ORC6: variants seen among roughly 807,000 people sequenced by gnomAD.
ORC6 encodes the protein origin recognition complex subunit 6.
Under a neutral mutation model 30.0 loss-of-function variants are expected in ORC6, and 31 were observed. The ratio of observed to expected loss-of-function variants is 1.03; its 90% CI spans 0.78 to 1.40. The LOEUF (loss-of-function observed/expected upper bound fraction) is 1.40, where lower values mean the gene tolerates loss of function less well. Ranked by LOEUF, ORC6 falls within the 40% of genes most tolerant of loss-of-function variation. ORC6 has a pLI of 0.00. For missense variants in ORC6, 340 were observed against 304.3 expected (o/e 1.12, Z -0.87); for synonymous variants, 136 against 111.2 (o/e 1.22, Z -1.40).
At chr16:46,692,634 C>A in intron 3 of ORC6, 89 bp downstream of exon 3, 1 of 1,165,998 alleles carries the variant, frequency 8.6e-7, no homozygotes, top group Non-Finnish European at 1.3e-6. Context: ...CTTTGGGAGG[C>A]CAAGTTGGGT....
At chr16:46,693,806 C>CTTTTTT (rs1194005655) in intron 4 of ORC6, 4 of 46,062 alleles carry the variant, frequency 8.7e-5, no homozygotes, top group Admixed American at 2.0e-4. Flanking sequence ...AACACTGTCT[C>CTTTTTT]TTTTTTTTTT....
rs773829594 is a variant in ORC6, at chr16:46,695,660, G to C, written c.548G>C (p.Gly183Ala). 6.2e-7 allele frequency: 1 copy of C among 1,602,700 alleles called. No individual in the cohort carries two copies. The highest frequency in any genetic ancestry group is 1.7e-5 in the Admixed American group (1 of 60,004). ...CTGTGTAAACAACTAGAGAAGATTG[G>C]ACAGCAGGTCGACAGTAAGTATTCT... ...DRLCKQLEKI[G>A]QQVDREPGDV... is the part of the protein sequence containing the mutation. Residue 183 changes from glycine (G) to alanine (A), a missense_variant, in exon 5 of 7, where the codon GGA (glycine) becomes GCA (alanine). Physicochemically the swap from Gly to Ala is moderately conservative, Grantham distance 60 (BLOSUM62 0). Coordinates refer to ENST00000219097, the MANE Select transcript of ORC6 (RefSeq NM_014321.4).
intron 3 of ORC6, 112 bp from the exon 4 acceptor site, chr16:46,692,981 A>T: frequency 1.3e-6 from 1 of 768,572 alleles, no homozygotes; most frequent in Non-Finnish European, 2.3e-6. Flanking sequence ...GACTCGTGTT[A>T]AGTGACAGCA....
At position 46,693,133 on chromosome 16, in the gene ORC6, G is replaced by C; in HGVS notation, c.400G>C (p.Asp134His). Residue 134 changes from aspartate (D) to histidine (H), a missense_variant, in exon 4 of 7, where the codon GAC (aspartate) becomes CAC (histidine). Asp to His is a moderately conservative substitution (Grantham distance 81, BLOSUM62 -1). Transcript: ENST00000219097. The stretch of plus-strand genomic sequence containing the variant: ...TCCCCAGACACAGCAAGTGGATCTT[G>C]ACTTATCCAGGCCACTTTTCACTTC... ...SLPQTQQVDL[D>H]LSRPLFTSAA... is the part of the protein sequence containing the mutation. The C allele has an allele frequency of 1.2e-6, 2 of 1,613,292 alleles. No individual in the cohort carries two copies. Among genetic ancestry groups the C allele is most frequent in the Non-Finnish European group, 1.7e-6 (2 of 1,179,288 alleles).
In ORC6 at chr16:46,693,193, C is replaced by T; in HGVS notation, c.449+11C>T. The T allele has an allele frequency of 6.3e-7, 1 of 1,577,784 alleles. No homozygotes were observed. The highest frequency in any genetic ancestry group is 8.7e-7 in the Non-Finnish European group (1 of 1,147,082). On this transcript the variant is annotated intron_variant, in intron 4 of 6. Transcript: ENST00000219097. Reference sequence around the variant, plus strand: ...GCTTTCAGCATGCAAGTAGGTATTTCATTAAACATTCAGAAAAGTTACCAA... The same window carrying T: ...GCTTTCAGCATGCAAGTAGGTATTTTATTAAACATTCAGAAAAGTTACCAA...
chr16:46,697,537 A>G lies in ORC6; in HGVS notation c.711A>G (p.Arg237=). The change falls in exon 7 of 7, where the codon AGA becomes AGG. Residue 237 remains arginine (R), a synonymous_variant. Transcript: ENST00000219097. ...CACAGGATTATGAAGAATGGAAAAGAAAAATTTTGGAAAATGCTGCCAGTG... is the reference window on the plus strand; with the variant it reads ...CACAGGATTATGAAGAATGGAAAAGGAAAATTTTGGAAAATGCTGCCAGTG... ...DLTQDYEEWK[R]KILENAASAQ... is the part of the protein sequence containing the mutation. 2.5e-6 allele frequency: 4 copies of G among 1,614,150 alleles called. No homozygotes were observed. The highest frequency in any genetic ancestry group is 3.4e-6 in the Non-Finnish European group (4 of 1,179,968).
In ORC6 at chr16:46,695,613, A is replaced by G. The variant is rs1157490729; in HGVS notation, c.501A>G (p.Val167=). The change falls in exon 5 of 7, where the codon GTA becomes GTG. Residue 167 remains valine (V), a synonymous_variant. Coordinates refer to ENST00000219097, the MANE Select transcript of ORC6 (RefSeq NM_014321.4). ...DKNKMVATSG[V]KKAIFDRLCK... ...ACAAAATGGTAGCCACATCCGGTGT[A>G]AAAAAAGCTATATTTGATCGACTGT... 5 of 1,612,798 alleles carry G rather than the reference A, an allele frequency of 3.1e-6. No homozygotes were observed. In the East Asian group the frequency reaches 8.9e-5, roughly 29 times the overall value.
At chr16:46,690,249 C>G (rs954732380) in intron 1 of ORC6, among the ~76,000 whole-genome samples, 1 of 152,164 alleles carries the variant, frequency 6.6e-6, no homozygotes, top group Non-Finnish European at 1.5e-5. Flanking sequence ...GCGCCGTTCC[C>G]GCTGAGGCCG....
At chr16:46,692,619 C>T in intron 3 of ORC6, 74 bp downstream of exon 3, 1 of 1,404,050 alleles carries the variant, frequency 7.1e-7, no homozygotes, top group East Asian at 2.4e-5. Context: ...CCTGTAATCC[C>T]AGCACTTTGG....
intron 4 of ORC6, chr16:46,694,838 A>C (rs1274884006): frequency 6.6e-6 from 1 of 152,236 alleles, no homozygotes; most frequent in Admixed American, 6.5e-5. Flanking sequence ...TCTTATTTTT[A>C]TCTTGCCAGA....
At position 46,697,847 on chromosome 16, in the gene ORC6, G is replaced by A. The variant is rs753238661; in HGVS notation, c.*262G>A. 5.7e-6 allele frequency: 3 copies of A among 524,648 alleles called. No homozygotes were observed. Among genetic ancestry groups the A allele is most frequent in the South Asian group, 4.6e-5 (3 of 65,102 alleles). 32.5% of individuals were successfully genotyped at this position (524,648 alleles called of 1,614,324 possible). Reference sequence around the variant, plus strand: ...ATGGAATTGGAGGCCGGGCGCAGTGGCTCACGCCTGTAATCCCAGCACTTT... The same window carrying A: ...ATGGAATTGGAGGCCGGGCGCAGTGACTCACGCCTGTAATCCCAGCACTTT... On this transcript the variant is annotated 3_prime_UTR_variant, in exon 7 of 7. Coordinates refer to ENST00000219097, the MANE Select transcript of ORC6 (RefSeq NM_014321.4).
In ORC6 at chr16:46,698,236, G is replaced by A. The variant is rs1469840990; in HGVS notation, c.*651G>A. ...AGATAAACGGAATTGGAGCCATTTT[G>A]CTTTAAGTGAATGGCAGTCCCTTGT... On this transcript the variant is annotated 3_prime_UTR_variant, in exon 7 of 7. Coordinates refer to ENST00000219097, the MANE Select transcript of ORC6 (RefSeq NM_014321.4). The A allele has an allele frequency of 2.2e-6, 1 of 450,314 alleles. No individual in the cohort carries two copies. Among genetic ancestry groups the A allele is most frequent in the South Asian group, 1.6e-5 (1 of 64,358 alleles). The allele number at this position is 450,314 out of a possible 1,614,324, so 27.9% of individuals were successfully genotyped here.
intron 3 of ORC6, among the ~76,000 whole-genome samples, chr16:46,692,851 G>A (rs1470012191): frequency 6.6e-6 from 1 of 151,116 alleles, no homozygotes. Context: ...CTGGATGACA[G>A]AGCAAGACTC....
intron 1 of ORC6, 59 bp downstream of exon 1, chr16:46,689,829 G>A: frequency 6.6e-7 from 1 of 1,519,718 alleles, no homozygotes; most frequent in Non-Finnish European, 8.8e-7. Context: ...TGGGCCCTCA[G>A]GTGAGGCCCG....
intron 2 of ORC6, 133 bp from the exon 3 acceptor site, chr16:46,692,249 A>ATAG (rs1966454067): frequency 2.8e-6 from 2 of 710,154 alleles, no homozygotes; most frequent in Non-Finnish European, 4.8e-6. Context: ...AATGAAGCTA[A>ATAG]ACCTTTAGGT....
chr16:46,691,743 A>T (rs1567273442), intron 2 of ORC6, among the ~76,000 whole-genome samples: 1 of 152,094 alleles, frequency 6.6e-6, no homozygotes, highest in African/African-American at 2.4e-5. Flanking sequence ...CACGTCAATG[A>T]TTTGTGGCTT....
rs1217872574 is a variant in ORC6 at position 46,691,056 on chromosome 16, A to T, written c.131A>T (p.Glu44Val). Residue 44 changes from glutamate to valine, a missense_variant, in exon 2 of 7, where the codon GAG becomes GTG. Glu to Val is a moderately radical substitution (Grantham distance 121). Transcript: ENST00000219097. ...KCVGLSARTT[E>V]TSSAVMCLDL... ...GTCGGCCTCTCCGCACGCACCACGG[A>T]GACCAGCAGTGCAGTCATGTGCCTG... 6.2e-7 allele frequency: 1 copy of T among 1,614,100 alleles called. No homozygotes were observed. The highest frequency in any genetic ancestry group is 1.7e-5 in the Admixed American group (1 of 60,034).
At position 46,697,755 on chromosome 16, in the gene ORC6, C is replaced by T. The variant is rs577189944; in HGVS notation, c.*170C>T. 1.1e-5 allele frequency: 8 copies of T among 744,686 alleles called. No individual in the cohort carries two copies. Among genetic ancestry groups the T allele is most frequent in the Non-Finnish European group, 1.7e-5 (7 of 423,062 alleles). The allele number at this position is 744,686 out of a possible 1,614,324, so 46.1% of individuals were successfully genotyped here. A position where few individuals can be genotyped will look rare whatever the true frequency, so the allele number is the denominator to read the frequency against. On this transcript the variant is annotated 3_prime_UTR_variant, in exon 7 of 7. Coordinates refer to ENST00000219097, the MANE Select transcript of ORC6 (RefSeq NM_014321.4). ...AGGCTAAGTCTGGGCAGTGGGCTGGCCCCTGGTGTGAGCATTAGACCAGCC... is the reference window on the plus strand; with the variant it reads ...AGGCTAAGTCTGGGCAGTGGGCTGGTCCCTGGTGTGAGCATTAGACCAGCC...
chr16:46,692,887 G>A (rs1017509531), intron 3 of ORC6, among the ~76,000 whole-genome samples: 1 of 4,628 alleles, frequency 2.2e-4, no homozygotes, highest in Non-Finnish European at 5.7e-3. Context: ...CGGCGGTGGC[G>A]GTGGGGGGGA....
Sources: allele counts gnomAD v4.1 joint callset (sites outside exome capture counted in the v4.1 genomes callset), GRCh38; gene constraint gnomAD v4.1.1; transcripts MANE v1.5; gene names NCBI Gene and HGNC (gene_info 2026-07-23, HGNC 2026-07-21).